The following BIRC6 variants were observed in gnomAD, a reference collection of about 807,000 sequenced individuals.
BIRC6 encodes dual E2 ubiquitin-conjugating enzyme/E3 ubiquitin-protein ligase BIRC6.
In BIRC6, 98 loss-of-function variants were observed where a neutral mutation model predicts 503.3. The observed-to-expected ratio is 0.19, with a 90% CI of 0.17 to 0.23. BIRC6 has a LOEUF of 0.23. Among genes scored for constraint, BIRC6 ranks in the 10% least tolerant of loss-of-function variants. BIRC6 has a pLI of 1.00. For synonymous variants in BIRC6, 2,240 were observed against 2,078.7 expected, an observed-to-expected ratio of 1.08 and a Z score of -2.11; for missense variants, 5,360 against 5,806.0, an observed-to-expected ratio of 0.92 and a Z score of 2.50.
Position 32,445,594 on chromosome 2 carries a change from T to A in BIRC6, c.4410T>A (p.Cys1470Ter). The change falls in exon 21 of 74, where the codon TGT becomes TGA. Residue 1470 changes from cysteine to a stop codon, truncating the protein, a stop_gained. Transcript: ENST00000421745. LOFTEE classifies it high-confidence loss of function. ...DEDLAGCSTA[C>*]ASLLTAVSRQ... ...ATCTGGCTGGATGCAGTACAGCTTG[T>A]GCATCTTTGCTTACTGCAGTGTCCA... is the stretch of plus-strand genomic sequence containing the variant. The A allele has an allele frequency of 6.2e-7, 1 of 1,607,214 alleles. No homozygotes were observed. The highest frequency in any genetic ancestry group is 8.5e-7 in the Non-Finnish European group (1 of 1,176,500).
intron 37 of BIRC6, among the ~76,000 whole-genome samples, chr2:32,480,601 CAG>C (rs924271642): frequency 1.7e-5 from 2 of 115,928 alleles, no homozygotes; most frequent in African/African-American, 6.6e-5. Context: ...TAATTCATAA[CAG>C]AAAAATAAGG....
chr2:32,553,635 T>C (rs1188583345), intron 65 of BIRC6, among the ~76,000 whole-genome samples: 1 of 151,718 alleles, frequency 6.6e-6, no homozygotes, highest in Non-Finnish European at 1.5e-5. Context: ...AGTGATCCGC[T>C]CACCTCGGCC....
intron 42 of BIRC6, 61 bp from the exon 43 acceptor site, chr2:32,489,980 C>G: frequency 8.7e-7 from 1 of 1,149,558 alleles, no homozygotes; most frequent in Non-Finnish European, 1.3e-6. Context: ...ATTCTTTTGA[C>G]TTAGTTCTTC....
chr2:32,397,563 C>T (rs2040043336), intron 6 of BIRC6, among the ~76,000 whole-genome samples: 1 of 144,794 alleles, frequency 6.9e-6, no homozygotes, highest in Admixed American at 6.9e-5. Flanking sequence ...AATTGTCTTT[C>T]CCCGTAAAGG....
At chr2:32,417,758 T>TA (rs2042530654) in intron 10 of BIRC6, among the ~76,000 whole-genome samples, 1 of 152,132 alleles carries the variant, frequency 6.6e-6, no homozygotes, top group Non-Finnish European at 1.5e-5. Context: ...TTTTGAACTA[T>TA]ATGTAGTGAA....
intron 54 of BIRC6, among the ~76,000 whole-genome samples, chr2:32,513,940 A>G (rs377759957): frequency 2.6e-5 from 4 of 151,716 alleles, no homozygotes; most frequent in African/African-American, 9.7e-5. Flanking sequence ...ACACGGTGGT[A>G]TGCACCTGTC....
intron 2 of BIRC6, chr2:32,379,553 A>G (rs192529762): frequency 2.6e-5 from 4 of 152,220 alleles, no homozygotes; most frequent in Admixed American, 2.0e-4. Context: ...ACTGTTGTTC[A>G]GATAATATTG....
intron 43 of BIRC6, 128 bp from the exon 44 acceptor site, chr2:32,491,297 C>G (rs768254515): frequency 1.4e-4 from 132 of 912,148 alleles, no homozygotes; most frequent in Non-Finnish European, 2.0e-4. Context: ...GAAACTGAAA[C>G]CCCTTTAATA....
Position 32,499,538 on chromosome 2 carries a change from TC to T in BIRC6, c.8469-8del. 2 of 1,571,034 alleles carry T rather than the reference TC, an allele frequency of 1.3e-6. No homozygotes were observed. Among genetic ancestry groups the T allele is most frequent in the Non-Finnish European group, 8.6e-7 (1 of 1,160,664 alleles). ...CTCTTTTTCTGTCTCTCTCTCTCTC[TC>T]TCTGCAGGGGTGCTTTCCAGACAGG... On this transcript the variant is annotated splice_polypyrimidine_tract_variant and splice_region_variant and intron_variant, in intron 45 of 73. Coordinates refer to ENST00000421745, the MANE Select transcript of BIRC6 (RefSeq NM_016252.4).
chr2:32,454,596 G>C (rs1425565257), intron 23 of BIRC6, among the ~76,000 whole-genome samples: 2 of 151,966 alleles, frequency 1.3e-5, no homozygotes, highest in Non-Finnish European at 2.9e-5. Flanking sequence ...ATCTGTATTA[G>C]TCACTGAAGG....
At chr2:32,358,725 T>G (rs2033587926) in intron 1 of BIRC6, among the ~76,000 whole-genome samples, 1 of 152,218 alleles carries the variant, frequency 6.6e-6, no homozygotes, top group Non-Finnish European at 1.5e-5. Flanking sequence ...GACATGTTAA[T>G]TATTGTTGAT....
intron 42 of BIRC6, among the ~76,000 whole-genome samples, chr2:32,489,067 C>T (rs1157039681): frequency 2.0e-5 from 3 of 151,262 alleles, no homozygotes; most frequent in African/African-American, 4.9e-5. Context: ...TGAGTTAGCC[C>T]CTGGAGGAGT....
chr2:32,414,961 A>G lies in BIRC6; in HGVS notation c.1670A>G (p.Gln557Arg). Residue 557 changes from glutamine (Q) to arginine (R), a missense_variant, in exon 10 of 74, where the codon CAG (glutamine) becomes CGG (arginine). By Grantham distance (43) the Gln-to-Arg change is conservative (BLOSUM62 1). This residue lies in a region of BIRC6 where 700 missense variants were observed against 739.3 expected (regional missense o/e 0.95). Coordinates refer to ENST00000421745, the MANE Select transcript of BIRC6 (RefSeq NM_016252.4). ...AGTGAAAAGACAAAGGAAAAGCACC[A>G]GGAGCAACACAACATTCCTTTTCCA... ...SKSEKTKEKH[Q>R]EQHNIPFPCL... The G allele has an allele frequency of 6.2e-7, 1 of 1,614,012 alleles. No homozygotes were observed. The highest frequency in any genetic ancestry group is 2.2e-5 in the East Asian group (1 of 44,874).
rs1328810437 is a variant in BIRC6 at position 32,415,861 on chromosome 2, C to T, written c.2570C>T (p.Thr857Ile). ...ATCAAAGATCCCCAGGACACAATTA[C>T]CTCGCTCATTTTGCTTCCACCCGAT... ...QHIKDPQDTI[T>I]SLILLPPDIL... The change falls in exon 10 of 74, where the codon ACC becomes ATC. Residue 857 changes from threonine to isoleucine, a missense_variant. Coordinates refer to ENST00000421745, the MANE Select transcript of BIRC6 (RefSeq NM_016252.4). The T allele has an allele frequency of 6.2e-6, 10 of 1,613,922 alleles. No individual in the cohort carries two copies. Among genetic ancestry groups the T allele is most frequent in the African/African-American group, 1.3e-5 (1 of 75,036 alleles).
Position 32,441,370 on chromosome 2 carries a change from C to T in BIRC6, c.3852C>T (p.Thr1284=), listed in dbSNP as rs1318469172. The T allele has an allele frequency of 2.5e-6, 4 of 1,602,106 alleles. No individual in the cohort carries two copies. The highest frequency in any genetic ancestry group is 3.3e-5 in the Admixed American group (2 of 59,846). ...TTAAGAATGAAAATACAAGTGGCAC[C>T]CGTAAATCTGAAAACCTCCGGGGCT... The part of the protein sequence containing the change: ...SNVKNENTSG[T]RKSENLRGCD... Residue 1284 remains threonine (T), a synonymous_variant, in exon 17 of 74, where the codon ACC becomes ACT. Transcript: ENST00000421745.
At chr2:32,430,746 T>C in intron 11 of BIRC6, 119 bp from the exon 12 acceptor site, 1 of 700,438 alleles carries the variant, frequency 1.4e-6, no homozygotes. Context: ...TTTCAGAATA[T>C]TTGGCAAGTG....
chr2:32,513,282 A>C, intron 54 of BIRC6, 128 bp downstream of exon 54: 1 of 673,060 alleles, frequency 1.5e-6, no homozygotes, highest in South Asian at 2.0e-5. Context: ...AAATATAATC[A>C]AGTATACTTT....
intron 71 of BIRC6, among the ~76,000 whole-genome samples, chr2:32,604,712 C>T (rs2062312174): frequency 6.6e-6 from 1 of 152,038 alleles, no homozygotes; most frequent in African/African-American, 2.4e-5. Context: ...TTCTGGTACA[C>T]AAAACACTCA....
intron 65 of BIRC6, chr2:32,565,309 G>C (rs2059462567): frequency 1.3e-5 from 2 of 152,180 alleles, no homozygotes; most frequent in Non-Finnish European, 2.9e-5. Context: ...GGAGTATCTA[G>C]TTTTTATAAA....
Sources: gnomAD v4.1 joint callset for allele counts (sites outside exome capture counted in the v4.1 genomes callset) on GRCh38, gnomAD v4.1.1 for gene constraint, gnomAD v4.1.1 regional missense constraint, MANE v1.5 for transcripts, NCBI Gene and HGNC (gene_info 2026-07-23, HGNC 2026-07-21) for gene names.